Variants in TAF4B observed in about 807,000 individuals in gnomAD.
TAF4B encodes TATA-box binding protein associated factor 4b, also known as transcription initiation factor TFIID subunit 4B.
TAF4B carries 38 observed loss-of-function variants against 86.4 expected under a neutral mutation model. The observed-to-expected ratio is 0.44, with a 90% CI of 0.34 to 0.58. The LOEUF is 0.58. TAF4B is among the 20% of genes least tolerant of loss of function. TAF4B has a pLI of 0.02. For missense variants in TAF4B, 988 were observed against 1,027.6 expected (o/e 0.96, Z 0.53); for synonymous variants, 388 against 391.2 (o/e 0.99, Z 0.10).
intron 1 of TAF4B, among the ~76,000 whole-genome samples, chr18:26,233,476 C>T (rs1240069307): frequency 3.3e-5 from 5 of 152,022 alleles, no homozygotes; most frequent in Admixed American, 1.3e-4. Flanking sequence ...AGCAGACAGG[C>T]CATCTGAATG....
intron 13 of TAF4B, 74 bp downstream of exon 13, chr18:26,335,305 C>A: frequency 7.4e-7 from 1 of 1,355,358 alleles, no homozygotes; most frequent in Non-Finnish European, 1.1e-6. Flanking sequence ...GCAATTAGGT[C>A]AGGGTTTATT....
At chr18:26,293,606 C>G (rs2056624416) in intron 9 of TAF4B, 75 bp downstream of exon 9, 1 of 888,472 alleles carries the variant, frequency 1.1e-6, no homozygotes, top group Non-Finnish European at 1.7e-6. Flanking sequence ...AGAATAATAC[C>G]TTACTAAAAT....
intron 9 of TAF4B, among the ~76,000 whole-genome samples, chr18:26,312,544 A>G (rs943868451): frequency 6.6e-6 from 1 of 152,180 alleles, no homozygotes; most frequent in African/African-American, 2.4e-5. Flanking sequence ...GCAAGATTCT[A>G]AAAGACATGG....
At chr18:26,333,217 GTTATTA>G (rs1250723681) in intron 12 of TAF4B, among the ~76,000 whole-genome samples, 2 of 149,292 alleles carry the variant, frequency 1.3e-5, no homozygotes, top group African/African-American at 4.9e-5. Flanking sequence ...TTTTTAAATT[GTTATTA>G]TTATTATTTT....
intron 13 of TAF4B, among the ~76,000 whole-genome samples, chr18:26,353,418 T>TC (rs2057260740): frequency 6.6e-6 from 1 of 152,214 alleles, no homozygotes; most frequent in Admixed American, 6.5e-5. Flanking sequence ...TTAAAAACTC[T>TC]CAGGAATCTA....
intron 14 of TAF4B, among the ~76,000 whole-genome samples, chr18:26,383,845 ATC>A (rs1341736641): frequency 6.6e-6 from 1 of 152,170 alleles, no homozygotes; most frequent in Non-Finnish European, 1.5e-5. Context: ...AAGATGAGAG[ATC>A]TGTTGCTTCA....
At chr18:26,228,624 C>CAAAA (rs11401538) in intron 1 of TAF4B, among the ~76,000 whole-genome samples, 1 of 146,200 alleles carries the variant, frequency 6.8e-6, no homozygotes. Flanking sequence ...TATAAATAGT[C>CAAAA]AAAAAAAAAA....
chr18:26,374,637 T>A (rs1454974435), intron 14 of TAF4B, among the ~76,000 whole-genome samples: 1 of 152,244 alleles, frequency 6.6e-6, no homozygotes, highest in Non-Finnish European at 1.5e-5. Flanking sequence ...TGTATTACCT[T>A]TTCATAGTTT....
intron 9 of TAF4B, among the ~76,000 whole-genome samples, chr18:26,298,786 C>A (rs572909178): frequency 6.6e-6 from 1 of 151,154 alleles, no homozygotes; most frequent in Admixed American, 6.6e-5. Context: ...CTCATGAGAT[C>A]CTCCCACTGC....
At chr18:26,377,669 T>A (rs1008674683) in intron 14 of TAF4B, among the ~76,000 whole-genome samples, 5 of 152,240 alleles carry the variant, frequency 3.3e-5, no homozygotes, top group Non-Finnish European at 7.3e-5. Flanking sequence ...GGCGTTTTGT[T>A]GTTGTTTTAT....
At position 26,275,057 on chromosome 18, in the gene TAF4B, AGTAGTGCTATAAAATCCT is replaced by A. The variant is rs1179645921; in HGVS notation, c.882+6_882+23del. The A allele has an allele frequency of 1.9e-6, 3 of 1,605,992 alleles. 1 individual carries two copies. Among genetic ancestry groups the A allele is most frequent in the Non-Finnish European group, 2.5e-6 (3 of 1,178,468 alleles). ...GAAGCTGGTGGAACAACTTTTGGTA[AGTAGTGCTATAAAATCCT>A]GCAAATTCTGGAGGAATCCATATAA... On this transcript the variant is annotated splice_donor_5th_base_variant and intron_variant, in intron 5 of 14. Transcript: ENST00000269142.
chr18:26,261,603 G>T (rs2144528713), intron 1 of TAF4B, among the ~76,000 whole-genome samples: 1 of 152,300 alleles, frequency 6.6e-6, no homozygotes, highest in Non-Finnish European at 1.5e-5. Flanking sequence ...CTCATTGCCA[G>T]CTGATTGCCC....
chr18:26,341,098 TA>T (rs141873351), intron 13 of TAF4B, among the ~76,000 whole-genome samples: 12,288 of 150,614 alleles, frequency 0.082, 586 homozygotes, highest in Middle Eastern at 0.13. Flanking sequence ...GATGCCTGTT[TA>T]AAAAAAAAAT....
At chr18:26,303,267 C>T (rs1325355857) in intron 9 of TAF4B, among the ~76,000 whole-genome samples, 5 of 135,480 alleles carry the variant, frequency 3.7e-5, no homozygotes, top group Non-Finnish European at 6.3e-5. Context: ...TTCATCCTCC[C>T]TCCGCTTTCA....
chr18:26,275,990 C>T (rs1437480289), intron 5 of TAF4B, among the ~76,000 whole-genome samples: 5 of 138,662 alleles, frequency 3.6e-5, no homozygotes, highest in Non-Finnish European at 6.1e-5. Context: ...TACTCTAGCC[C>T]GGGCAACAGA....
At chr18:26,350,167 A>G (rs922705003) in intron 13 of TAF4B, among the ~76,000 whole-genome samples, 5 of 152,252 alleles carry the variant, frequency 3.3e-5, no homozygotes, top group Admixed American at 1.3e-4. Flanking sequence ...TTTATGAATA[A>G]GACGTCAAAA....
intron 12 of TAF4B, among the ~76,000 whole-genome samples, chr18:26,328,328 A>G (rs1335085208): frequency 6.6e-6 from 1 of 152,014 alleles, no homozygotes. Flanking sequence ...GCACGCCTGT[A>G]GTCTCAGCTA....
intron 9 of TAF4B, among the ~76,000 whole-genome samples, chr18:26,308,517 T>C (rs767195414): frequency 7.9e-5 from 12 of 152,148 alleles, no homozygotes; most frequent in Non-Finnish European, 1.3e-4. Flanking sequence ...TTCTCAAGAA[T>C]GGTCAAAGCC....
At chr18:26,263,698 G>T (rs1002905961) in intron 1 of TAF4B, among the ~76,000 whole-genome samples, 1 of 150,634 alleles carries the variant, frequency 6.6e-6, no homozygotes, top group African/African-American at 2.4e-5. Context: ...TCTTTCTTTC[G>T]CTCTTTCTCT....
Sources: gnomAD v4.1 joint callset for allele counts (sites outside exome capture counted in the v4.1 genomes callset) on GRCh38, gnomAD v4.1.1 for gene constraint, MANE v1.5 for transcripts, NCBI Gene and HGNC (gene_info 2026-07-23, HGNC 2026-07-21) for gene names.